MEIOB: variants seen among roughly 807,000 people sequenced by gnomAD.
The protein encoded by MEIOB is meiosis-specific with OB domain-containing protein.
Under a neutral mutation model 53.1 loss-of-function variants are expected in MEIOB, and 50 were observed. That is an observed-to-expected ratio of 0.94 (90% confidence interval 0.75 to 1.19). The LOEUF (loss-of-function observed/expected upper bound fraction) is 1.19. Ranked by LOEUF, MEIOB falls within the 50% of genes most tolerant of loss-of-function variation. The probability of loss-of-function intolerance (pLI) is 0.00; values close to 1 mark genes in which losing one functional copy is unlikely to be tolerated. For missense variants in MEIOB, 551 were observed against 550.8 expected (o/e 1.00, Z 0.00); for synonymous variants, 192 against 182.5 (o/e 1.05, Z -0.42).
intron 1 of MEIOB, among the ~76,000 whole-genome samples, chr16:1,869,384 C>G (rs1416630836): frequency 6.6e-6 from 1 of 152,034 alleles, no homozygotes; most frequent in Non-Finnish European, 1.5e-5. Context: ...CCCCAAAGTG[C>G]TGGATTACAG....
intron 1 of MEIOB, among the ~76,000 whole-genome samples, chr16:1,868,618 G>A (rs1899653698): frequency 6.6e-6 from 1 of 152,070 alleles, no homozygotes; most frequent in Non-Finnish European, 1.5e-5. Flanking sequence ...CACTTTTGGA[G>A]GCCGAGGAGG....
intron 5 of MEIOB, among the ~76,000 whole-genome samples, chr16:1,858,747 C>T (rs1398216180): frequency 3.3e-5 from 5 of 152,148 alleles, no homozygotes; most frequent in Admixed American, 6.6e-5. Flanking sequence ...GCATTCCAGC[C>T]GTATCAGACT....
At chr16:1,849,128 T>C (rs984383332) in intron 9 of MEIOB, among the ~76,000 whole-genome samples, 2 of 150,250 alleles carry the variant, frequency 1.3e-5, no homozygotes, top group Admixed American at 6.6e-5. Context: ...CTACGAAAAG[T>C]ACAAAAATTA....
At chr16:1,854,832 TAA>T (rs535655501) in intron 6 of MEIOB, among the ~76,000 whole-genome samples, 55 of 137,898 alleles carry the variant, frequency 4.0e-4, no homozygotes, top group Admixed American at 3.7e-4. Context: ...TAAAGCAAGT[TAA>T]AAAAAAAAAA....
chr16:1,871,739 C>T (rs1325193029), intron 1 of MEIOB, among the ~76,000 whole-genome samples: 1 of 146,082 alleles, frequency 6.8e-6, no homozygotes, highest in Non-Finnish European at 1.5e-5. Context: ...GTGGGCAGAT[C>T]GCGAGGTCAG....
At chr16:1,844,689 C>A (rs1212975258) in intron 10 of MEIOB, among the ~76,000 whole-genome samples, 173 bp downstream of exon 10, 1 of 152,136 alleles carries the variant, frequency 6.6e-6, no homozygotes, top group Non-Finnish European at 1.5e-5. Context: ...CTCATGAACT[C>A]CTGGGCTCAA....
Position 1,834,370 on chromosome 16 carries a change from CGAG to C in MEIOB, c.1306-7_1306-5del, listed in dbSNP as rs533500929. ...TTGCTCTGTGTGATAGAACGAACTG[CGAG>C]GAGAAACAGAAAAAGAGACAAAAGG... is the stretch of plus-strand genomic sequence containing the variant. On this transcript the variant is annotated splice_region_variant and splice_polypyrimidine_tract_variant and intron_variant, in intron 13 of 13. Transcript: ENST00000325962. 175 of 1,485,448 alleles carry C rather than the reference CGAG, an allele frequency of 1.2e-4. No individual in the cohort carries two copies. In the African/African-American group the frequency reaches 2.1e-3, roughly 18 times the overall value. 92.0% of individuals were successfully genotyped at this position (1,485,448 alleles called of 1,614,324 possible).
chr16:1,859,719 TA>T (rs1468302266), intron 5 of MEIOB, among the ~76,000 whole-genome samples: 1 of 152,098 alleles, frequency 6.6e-6, no homozygotes, highest in African/African-American at 2.4e-5. Context: ...GATGCGAGTG[TA>T]AATGCTGTAG....
In MEIOB at chr16:1,845,064, G is replaced by A. The variant is rs971852251; in HGVS notation, c.779-101C>T. 6.8e-5 allele frequency: 41 copies of A among 601,882 alleles called. No homozygotes were observed. In the Admixed American group the frequency reaches 9.6e-4, roughly 14 times the overall value. 37.3% of individuals were successfully genotyped at this position (601,882 alleles called of 1,614,324 possible). On this transcript the variant is annotated intron_variant, in intron 9 of 13. Transcript: ENST00000325962. The stretch of plus-strand genomic sequence containing the variant: ...TTTTAATAGTAAAAAGTGAAGACAT[G>A]TAAGAATACAATCAAATAGAATATT...
At chr16:1,871,090 C>CA (rs1180409470) in intron 1 of MEIOB, among the ~76,000 whole-genome samples, 17 of 152,112 alleles carry the variant, frequency 1.1e-4, no homozygotes, top group African/African-American at 3.6e-4. Flanking sequence ...TGTCTGCCCA[C>CA]AAAAAATATG....
At position 1,834,945 on chromosome 16, in the gene MEIOB, C is replaced by T. The variant is rs545531548; in HGVS notation, c.1306-579G>A. Reference sequence around the variant, plus strand: ...AGCGAAACTCTGTCCCCCCCACCCCCCCCCACTAAAAAAAATGTCTAATGC... The same window carrying T: ...AGCGAAACTCTGTCCCCCCCACCCCTCCCCACTAAAAAAAATGTCTAATGC... On this transcript the variant is annotated intron_variant, in intron 13 of 13. Transcript: ENST00000325962. Among the ~76,000 whole-genome samples, 4 of 144,860 alleles carry T rather than the reference C, an allele frequency of 2.8e-5. No homozygotes were observed. In the East Asian group the frequency reaches 9.0e-4, roughly 32 times the overall value.
chr16:1,842,114 T>A (rs930579506), intron 10 of MEIOB, 141 bp from the exon 11 acceptor site: 8 of 461,660 alleles, frequency 1.7e-5, no homozygotes, highest in African/African-American at 1.4e-4. Flanking sequence ...ATATAAACAC[T>A]GATTCTATAA....
At chr16:1,852,089 T>G (rs1344461537) in intron 9 of MEIOB, among the ~76,000 whole-genome samples, 1 of 152,154 alleles carries the variant, frequency 6.6e-6, no homozygotes, top group African/African-American at 2.4e-5. Flanking sequence ...CAGAGAGTAC[T>G]GTGTGCACGC....
intron 1 of MEIOB, among the ~76,000 whole-genome samples, chr16:1,869,455 A>AC: frequency 6.8e-6 from 1 of 146,736 alleles, no homozygotes; most frequent in African/African-American, 2.5e-5. Flanking sequence ...TCAATAGGAC[A>AC]TTTTTTTTTT....
At position 1,868,119 on chromosome 16, in the gene MEIOB, A is replaced by G; in HGVS notation, c.57T>C (p.Asn19=). The G allele has an allele frequency of 6.6e-7, 1 of 1,525,484 alleles. No individual in the cohort carries two copies. The highest frequency in any genetic ancestry group is 8.9e-7 in the Non-Finnish European group (1 of 1,126,576). 94.5% of individuals were successfully genotyped at this position (1,525,484 alleles called of 1,614,324 possible). Residue 19 remains asparagine, a synonymous_variant, in exon 2 of 14, where the codon AAT becomes AAC. Transcript: ENST00000325962. The stretch of plus-strand genomic sequence containing the variant: ...TATTGAAACCTACCAGATTAGCCAT[A>G]TTTGTCTGCAGATCTGAAAGGGTAG... The part of the protein sequence containing the change: ...IFTTLSDLQT[N]MANLKVIGIV...
In MEIOB at chr16:1,834,280, G is replaced by C. The variant is rs200701039; in HGVS notation, c.1392C>G (p.Asn464Lys). Residue 464 changes from asparagine (N) to lysine (K), a missense_variant, in exon 14 of 14, where the codon AAC becomes AAG. By Grantham distance (94) the Asn-to-Lys change is moderately conservative. Coordinates refer to ENST00000325962, the MANE Select transcript of MEIOB (RefSeq NM_001163560.3). ...TTTAAACATGTTTTTGTCCAGACAA[G>C]TTTCTGCTTGCCTCAGTAGGATCTG... The part of the protein sequence containing the change: ...KLADPTEASR[N>K]LSGQKHV 64 of 1,609,388 alleles carry C rather than the reference G, an allele frequency of 4.0e-5. 1 individual carries two copies. The highest frequency in any genetic ancestry group is 2.0e-5 in the Non-Finnish European group (23 of 1,176,178).
At chr16:1,852,075 T>C (rs138774030) in intron 9 of MEIOB, among the ~76,000 whole-genome samples, 1 of 152,304 alleles carries the variant, frequency 6.6e-6, no homozygotes, top group Non-Finnish European at 1.5e-5. Flanking sequence ...CTAATGATAC[T>C]ACACAGAGAG....
At chr16:1,858,016 T>G in intron 5 of MEIOB, 86 bp from the exon 6 acceptor site, 2 of 835,450 alleles carry the variant, frequency 2.4e-6, no homozygotes, top group Non-Finnish European at 3.7e-6. Flanking sequence ...ACTACATTTT[T>G]CATTGAAATT....
chr16:1,847,482 A>G (rs1019248763), intron 9 of MEIOB, among the ~76,000 whole-genome samples: 2 of 151,792 alleles, frequency 1.3e-5, no homozygotes, highest in African/African-American at 2.4e-5. Context: ...CAAACAAAAA[A>G]AGCCTATTTT....
Sources: gnomAD v4.1 joint callset for allele counts (sites outside exome capture counted in the v4.1 genomes callset) on GRCh38, gnomAD v4.1.1 for gene constraint, MANE v1.5 for transcripts, NCBI Gene and HGNC (gene_info 2026-07-23, HGNC 2026-07-21) for gene names.